KTN1: variants seen among roughly 807,000 people sequenced by gnomAD.
KTN1 encodes kinectin.
KTN1 carries 130 observed loss-of-function variants against 222.5 expected under a neutral mutation model. That is an observed-to-expected ratio of 0.58 (90% CI 0.51 to 0.68). The LOEUF (loss-of-function observed/expected upper bound fraction) is 0.68. Ranked by LOEUF, KTN1 falls within the 30% of genes least tolerant of loss-of-function variation. The probability of loss-of-function intolerance (pLI) is 0.00; values close to 1 mark genes in which losing one functional copy is unlikely to be tolerated. For synonymous variants in KTN1, 512 were observed against 496.3 expected, an observed-to-expected ratio of 1.03 and a Z score of -0.42; for missense variants, 1,508 against 1,500.4, an observed-to-expected ratio of 1.01 and a Z score of -0.08.
intron 1 of KTN1, among the ~76,000 whole-genome samples, chr14:55,605,293 T>C (rs1400715983): frequency 1.3e-5 from 2 of 152,356 alleles, no homozygotes; most frequent in South Asian, 2.1e-4. Context: ...AGTTAGTTAT[T>C]TGAGACGGAG....
intron 29 of KTN1, among the ~76,000 whole-genome samples, chr14:55,657,227 C>T (rs1382707992): frequency 6.6e-6 from 1 of 152,186 alleles, no homozygotes; most frequent in Non-Finnish European, 1.5e-5. Flanking sequence ...CACCTTCTTC[C>T]TTTCCAACAT....
At chr14:55,633,534 G>A (rs1043938273) in intron 8 of KTN1, among the ~76,000 whole-genome samples, 193 bp downstream of exon 8, 1 of 151,298 alleles carries the variant, frequency 6.6e-6, no homozygotes, top group Non-Finnish European at 1.5e-5. Flanking sequence ...TGTAAACTAT[G>A]TTATATTAAT....
chr14:55,589,413 T>C (rs936602581), intron 1 of KTN1, among the ~76,000 whole-genome samples: 6 of 151,698 alleles, frequency 4.0e-5, no homozygotes, highest in African/African-American at 1.5e-4. Context: ...CCTCCTGGGC[T>C]CAAGCGATTC....
chr14:55,658,096 A>AG (rs2043698561), intron 29 of KTN1, among the ~76,000 whole-genome samples: 1 of 152,104 alleles, frequency 6.6e-6, no homozygotes, highest in Non-Finnish European at 1.5e-5. Context: ...TCCGTTCCCC[A>AG]GGGGGACATT....
At chr14:55,597,648 G>A (rs1450948432) in intron 1 of KTN1, among the ~76,000 whole-genome samples, 1 of 152,082 alleles carries the variant, frequency 6.6e-6, no homozygotes, top group Non-Finnish European at 1.5e-5. Flanking sequence ...GAGGTCAGGA[G>A]TTTGAGAACA....
intron 43 of KTN1, chr14:55,681,827 T>C (rs933344705): frequency 1.3e-5 from 2 of 152,178 alleles, no homozygotes; most frequent in Non-Finnish European, 2.9e-5. Flanking sequence ...TGTGTACTTA[T>C]GTTTTGGTTC....
At chr14:55,649,674 G>A in intron 21 of KTN1, 102 bp from the exon 22 acceptor site, 1 of 703,370 alleles carries the variant, frequency 1.4e-6, no homozygotes, top group East Asian at 2.9e-5. Flanking sequence ...TTCCCATTTG[G>A]ATTTTGATTG....
At chr14:55,635,515 G>A (rs1320396685) in intron 9 of KTN1, among the ~76,000 whole-genome samples, 1 of 152,176 alleles carries the variant, frequency 6.6e-6, no homozygotes, top group Non-Finnish European at 1.5e-5. Context: ...TGTACAAAAA[G>A]TCACATACTG....
chr14:55,581,851 A>G (rs1240346124), intron 1 of KTN1, among the ~76,000 whole-genome samples: 1 of 152,020 alleles, frequency 6.6e-6, no homozygotes, highest in Non-Finnish European at 1.5e-5. Flanking sequence ...CATGCCTTGC[A>G]GTAGACTTTC....
chr14:55,617,203 A>T (rs2090512832), intron 3 of KTN1, among the ~76,000 whole-genome samples: 1 of 152,358 alleles, frequency 6.6e-6, no homozygotes, highest in South Asian at 2.1e-4. Flanking sequence ...TGAGAGAAAT[A>T]TTACCTGAAT....
chr14:55,618,253 T>C, intron 4 of KTN1, 119 bp downstream of exon 4: 1 of 743,408 alleles, frequency 1.3e-6, no homozygotes, highest in Non-Finnish European at 2.0e-6. Flanking sequence ...CAAATCCTTG[T>C]GGTAGAAGAC....
At chr14:55,581,784 A>G (rs2031712043) in intron 1 of KTN1, among the ~76,000 whole-genome samples, 1 of 148,132 alleles carries the variant, frequency 6.8e-6, no homozygotes, top group African/African-American at 2.7e-5. Flanking sequence ...AGCTGGTGAG[A>G]CTTGGGATAA....
intron 1 of KTN1, among the ~76,000 whole-genome samples, chr14:55,587,339 C>G (rs2033219607): frequency 1.3e-5 from 2 of 152,128 alleles, no homozygotes; most frequent in Admixed American, 1.3e-4. Flanking sequence ...CAATTTGAAA[C>G]ATGAATTTCA....
At chr14:55,672,533 C>A in intron 37 of KTN1, 97 bp from the exon 38 acceptor site, 2 of 703,194 alleles carry the variant, frequency 2.8e-6, no homozygotes, top group African/African-American at 1.8e-5. Flanking sequence ...CATTTCAAAA[C>A]CTTGGAAGTG....
intron 40 of KTN1, chr14:55,673,818 A>G (rs1473490501): frequency 6.6e-6 from 1 of 152,178 alleles, no homozygotes; most frequent in African/African-American, 2.4e-5. Context: ...GCTTTGAGAT[A>G]AAGTTAGCTA....
At chr14:55,660,396 T>C (rs2043996170) in intron 31 of KTN1, among the ~76,000 whole-genome samples, 1 of 151,318 alleles carries the variant, frequency 6.6e-6, no homozygotes, top group South Asian at 2.1e-4. Flanking sequence ...GGAGTTTTTT[T>C]TTTTTTTTTT....
chr14:55,663,380 C>T (rs2044351691), intron 32 of KTN1: 1 of 169,932 alleles, frequency 5.9e-6, no homozygotes, highest in Non-Finnish European at 1.3e-5. Flanking sequence ...CTTTGATCAA[C>T]TAGCTCATAC....
At chr14:55,671,108 G>A (rs2045405830) in intron 35 of KTN1, among the ~76,000 whole-genome samples, 1 of 152,102 alleles carries the variant, frequency 6.6e-6, no homozygotes. Context: ...GTAAAGATTA[G>A]TCGAGATAGG....
In KTN1 at chr14:55,616,662, GT is replaced by G; in HGVS notation, c.661+11del. ...AACAAAAGACAGAAAATGGTGAGAT[GT>G]TTAGATATGTATTTTTATAATGCTA... On this transcript the variant is annotated intron_variant, in intron 3 of 43. Coordinates refer to ENST00000395314, the MANE Select transcript of KTN1 (RefSeq NM_001079521.2). 1 of 1,580,098 alleles carries G rather than the reference GT, an allele frequency of 6.3e-7. No individual in the cohort carries two copies. Among genetic ancestry groups the G allele is most frequent in the Non-Finnish European group, 8.6e-7 (1 of 1,168,876 alleles).
Sources: gnomAD v4.1 joint callset for allele counts (sites outside exome capture counted in the v4.1 genomes callset) on GRCh38, gnomAD v4.1.1 for gene constraint, MANE v1.5 for transcripts, NCBI Gene and HGNC (gene_info 2026-07-23, HGNC 2026-07-21) for gene names.